MXI1: variants seen among roughly 807,000 people sequenced by gnomAD.
MXI1 encodes the protein MAX interactor 1, dimerization protein, also known as max-interacting protein 1.
In MXI1, 18 loss-of-function variants were observed where a neutral mutation model predicts 36.9. The observed-to-expected ratio is 0.49, with a 90% CI of 0.34 to 0.72. MXI1 has a LOEUF of 0.72. Among genes scored for constraint, MXI1 ranks in the 30% least tolerant of loss-of-function variants. MXI1 has a pLI of 0.01. For synonymous variants in MXI1, 160 were observed against 146.7 expected, an observed-to-expected ratio of 1.09 and a Z score of -0.65; for missense variants, 304 against 379.1, an observed-to-expected ratio of 0.80 and a Z score of 1.64.
intron 2 of MXI1, among the ~76,000 whole-genome samples, chr10:110,237,099 A>G (rs536954411): frequency 6.6e-6 from 1 of 152,332 alleles, no homozygotes; most frequent in South Asian, 2.1e-4. Flanking sequence ...TAATTGTTCT[A>G]ATAGTCTGTA....
chr10:110,260,474 T>C (rs1187547559), intron 3 of MXI1, among the ~76,000 whole-genome samples: 1 of 150,686 alleles, frequency 6.6e-6, no homozygotes, highest in African/African-American at 2.4e-5. Context: ...CCCACAGATA[T>C]ATACATATAT....
chr10:110,284,611 G>A (rs1335777367), intron 5 of MXI1, among the ~76,000 whole-genome samples: 1 of 152,150 alleles, frequency 6.6e-6, no homozygotes, highest in African/African-American at 2.4e-5. Flanking sequence ...TAGGAAATTT[G>A]CTGCCTAAAT....
intron 1 of MXI1, among the ~76,000 whole-genome samples, chr10:110,223,529 G>A (rs865778156): frequency 4.6e-5 from 7 of 151,972 alleles, no homozygotes; most frequent in East Asian, 3.9e-4. Context: ...CCGAGATCGC[G>A]CCACTGCACT....
chr10:110,286,515 A>G lies in MXI1; in HGVS notation c.*1528A>G, dbSNP rs1857429082. On this transcript the variant is annotated 3_prime_UTR_variant, in exon 6 of 6. Transcript: ENST00000332674. The stretch of plus-strand genomic sequence containing the variant: ...CTTAAAAAAAAAAAAAAGCTTTATG[A>G]TTTTCATAACTTATTGCTGATTTTA... 6.7e-6 allele frequency: 1 copy of G among 149,186 alleles called. No homozygotes were observed. The allele number at this position is 149,186 out of a possible 1,614,324, so 9.2% of individuals were successfully genotyped here.
At chr10:110,216,459 T>C (rs962904888) in intron 1 of MXI1, among the ~76,000 whole-genome samples, 115 of 152,178 alleles carry the variant, frequency 7.6e-4, no homozygotes, top group African/African-American at 2.7e-3. Flanking sequence ...AGAGGTAGAG[T>C]TCCTGTCTTC....
At chr10:110,244,367 C>T (rs1043346277) in intron 2 of MXI1, among the ~76,000 whole-genome samples, 6 of 151,986 alleles carry the variant, frequency 3.9e-5, no homozygotes, top group African/African-American at 1.2e-4. Flanking sequence ...TAAGCAGTAA[C>T]GCAAGCCTTT....
At chr10:110,220,284 G>C (rs1854768480) in intron 1 of MXI1, among the ~76,000 whole-genome samples, 1 of 152,176 alleles carries the variant, frequency 6.6e-6, no homozygotes, top group Non-Finnish European at 1.5e-5. Context: ...GTGCATGTTG[G>C]CCCTAGTTAT....
intron 2 of MXI1, among the ~76,000 whole-genome samples, chr10:110,237,488 T>C (rs1051694121): frequency 1.3e-5 from 2 of 152,228 alleles, no homozygotes; most frequent in Admixed American, 6.5e-5. Context: ...GAGGATTACA[T>C]TGATGGATTT....
chr10:110,284,831 T>C lies in MXI1; in HGVS notation c.732T>C (p.Ile244=), dbSNP rs1405515806. 2 of 1,602,402 alleles carry C rather than the reference T, an allele frequency of 1.2e-6. No individual in the cohort carries two copies. The highest frequency in any genetic ancestry group is 1.7e-6 in the Non-Finnish European group (2 of 1,176,084). ...TTTTTTTTCCTTTGGCAGAGGAGAT[T>C]GAAGTGGATGTTGAAAGCACAGAGT... ...SDRSDSEREE[I]EVDVESTEFS... Residue 244 remains isoleucine, a synonymous_variant, in exon 6 of 6, where the codon ATT becomes ATC. Coordinates refer to ENST00000332674, the MANE Select transcript of MXI1 (RefSeq NM_130439.3).
At chr10:110,274,193 A>G (rs1824070024) in intron 3 of MXI1, among the ~76,000 whole-genome samples, 1 of 152,252 alleles carries the variant, frequency 6.6e-6, no homozygotes, top group African/African-American at 2.4e-5. Flanking sequence ...CCAATCTACC[A>G]AAATAAAAGC....
chr10:110,216,795 T>G (rs1013584425), intron 1 of MXI1, among the ~76,000 whole-genome samples: 6 of 149,482 alleles, frequency 4.0e-5, no homozygotes, highest in African/African-American at 1.5e-4. Context: ...GCCTCCCGAG[T>G]AGCTGGGACT....
chr10:110,228,836 G>T (rs933096705), intron 2 of MXI1, among the ~76,000 whole-genome samples: 10 of 152,150 alleles, frequency 6.6e-5, no homozygotes, highest in Non-Finnish European at 1.2e-4. Flanking sequence ...GATGAGATCG[G>T]ATTGGTTGGT....
intron 3 of MXI1, among the ~76,000 whole-genome samples, chr10:110,266,010 AGAGT>A (rs1856666877): frequency 6.6e-6 from 1 of 152,160 alleles, no homozygotes; most frequent in African/African-American, 2.4e-5. Context: ...TATAGGCCTG[AGAGT>A]ACATTTGGAG....
chr10:110,286,642 T>C lies in MXI1; in HGVS notation c.*1655T>C, dbSNP rs1363004276. ...AACCATATTTAGCAGTGCAGTTGAG[T>C]TGTGTGTTAATGTTAGACTATCCCT... is the stretch of plus-strand genomic sequence containing the variant. On this transcript the variant is annotated 3_prime_UTR_variant, in exon 6 of 6. Coordinates refer to ENST00000332674, the MANE Select transcript of MXI1 (RefSeq NM_130439.3). 6.6e-6 allele frequency: 1 copy of C among 152,540 alleles called. No homozygotes were observed. Among genetic ancestry groups the C allele is most frequent in the Admixed American group, 6.5e-5 (1 of 15,270 alleles). 9.4% of individuals were successfully genotyped at this position (152,540 alleles called of 1,614,324 possible).
rs1857398482 is a variant in MXI1, at chr10:110,285,151, A to ATACT, written c.*167_*170dup. On this transcript the variant is annotated 3_prime_UTR_variant, in exon 6 of 6. Transcript: ENST00000332674. The stretch of plus-strand genomic sequence containing the variant: ...GGTCAGAGGACCTGTATTTAAGCAA[A>ATACT]TACTTAGCAAAAAGTGGGGCAGAGC... 1.7e-6 allele frequency: 1 copy of ATACT among 581,032 alleles called. No homozygotes were observed. The highest frequency in any genetic ancestry group is 2.6e-6 in the Non-Finnish European group (1 of 380,054). 36.0% of individuals were successfully genotyped at this position (581,032 alleles called of 1,614,324 possible). A position where few individuals can be genotyped will look rare whatever the true frequency, so the allele number is the denominator to read the frequency against.
At chr10:110,273,041 C>CTTTT (rs771024820) in intron 3 of MXI1, among the ~76,000 whole-genome samples, 153 of 110,832 alleles carry the variant, frequency 1.4e-3, no homozygotes, top group Middle Eastern at 0.012. Context: ...GCTTGTTTAG[C>CTTTT]TTTTTTTTTT....
rs545827955 is a variant in MXI1, at chr10:110,225,658, A to G, written c.275-2531A>G. Among the ~76,000 whole-genome samples the G allele has an allele frequency of 1.6e-4, 24 of 152,308 alleles. No homozygotes were observed. In the South Asian group the frequency reaches 4.4e-3, roughly 28 times the overall value. ...GGCAACCGCAGGGAGTCGCTGAGAA[A>G]CAAGTTTCCCCGGGAGTAGACTCCC... On this transcript the variant is annotated intron_variant, in intron 1 of 5. Transcript: ENST00000332674.
At chr10:110,213,862 T>C (rs938924459) in intron 1 of MXI1, among the ~76,000 whole-genome samples, 2 of 152,234 alleles carry the variant, frequency 1.3e-5, no homozygotes, top group Non-Finnish European at 2.9e-5. Flanking sequence ...AAGAGGGTGC[T>C]GGCGTGCAGC....
At chr10:110,211,065 G>A (rs1265832569) in intron 1 of MXI1, among the ~76,000 whole-genome samples, 1 of 143,686 alleles carries the variant, frequency 7.0e-6, no homozygotes, top group Non-Finnish European at 1.5e-5. Context: ...GTAGTTTGTT[G>A]TGTACGTCTT....
Sources: allele counts gnomAD v4.1 joint callset (sites outside exome capture counted in the v4.1 genomes callset), GRCh38; gene constraint gnomAD v4.1.1; transcripts MANE v1.5; gene names NCBI Gene and HGNC (gene_info 2026-07-23, HGNC 2026-07-21).